Variants in PLCB1 observed in about 807,000 individuals in gnomAD.
The protein encoded by PLCB1 is phospholipase C beta 1.
A neutral mutation model predicts 161.8 loss-of-function variants in PLCB1; 46 were observed. That is an observed-to-expected ratio of 0.28 (90% CI 0.22 to 0.36). The LOEUF (loss-of-function observed/expected upper bound fraction) is 0.36, where lower values mean the gene tolerates loss of function less well. PLCB1 is among the 10% of genes least tolerant of loss of function. PLCB1 has a pLI of 1.00. For missense variants in PLCB1, 1,016 were observed against 1,472.5 expected (o/e 0.69, Z 5.07); for synonymous variants, 517 against 503.7 (o/e 1.03, Z -0.35).
chr20:8,282,678 T>G (rs919972879), intron 2 of PLCB1, among the ~76,000 whole-genome samples: 4 of 152,074 alleles, frequency 2.6e-5, no homozygotes, highest in Non-Finnish European at 5.9e-5. Flanking sequence ...CAAGGGAAAA[T>G]AATCAATCAA....
chr20:8,809,255 G>T (rs1045984361), intron 31 of PLCB1, among the ~76,000 whole-genome samples: 1 of 151,952 alleles, frequency 6.6e-6, no homozygotes, highest in Non-Finnish European at 1.5e-5. Flanking sequence ...CGATCGTCCC[G>T]CCTCAGCCTC....
At chr20:8,551,996 T>C (rs8122766) in intron 3 of PLCB1, among the ~76,000 whole-genome samples, 13,084 of 152,222 alleles carry the variant, frequency 0.086, 998 homozygotes, top group African/African-American at 0.2. Flanking sequence ...TCCAGGCTTG[T>C]GTAAGACTGT....
intron 14 of PLCB1, among the ~76,000 whole-genome samples, chr20:8,718,109 A>G (rs1174147261): frequency 4.6e-5 from 7 of 151,952 alleles, no homozygotes; most frequent in African/African-American, 1.7e-4. Context: ...AGTCCCAGCT[A>G]CTCGGGAGGC....
intron 31 of PLCB1, among the ~76,000 whole-genome samples, chr20:8,826,065 T>C (rs1445761239): frequency 6.6e-6 from 1 of 152,164 alleles, no homozygotes; most frequent in Non-Finnish European, 1.5e-5. Context: ...TGAGATGTTT[T>C]CAGGCATCTA....
At chr20:8,738,104 G>GTAGT (rs1980676711) in intron 20 of PLCB1, among the ~76,000 whole-genome samples, 1 of 152,244 alleles carries the variant, frequency 6.6e-6, no homozygotes, top group South Asian at 2.1e-4. Flanking sequence ...AAAGAAATGA[G>GTAGT]TAGTTGCTCT....
chr20:8,579,061 C>T (rs893641857), intron 3 of PLCB1, among the ~76,000 whole-genome samples: 8 of 152,218 alleles, frequency 5.3e-5, no homozygotes, highest in African/African-American at 1.7e-4. Context: ...CTATTTACTT[C>T]GCCAGAAGAC....
intron 2 of PLCB1, among the ~76,000 whole-genome samples, chr20:8,299,300 TG>T (rs1983786241): frequency 6.6e-6 from 1 of 152,110 alleles, no homozygotes; most frequent in African/African-American, 2.4e-5. Context: ...TGTAAAACAG[TG>T]GTTTTGAGTA....
chr20:8,276,957 T>TTC (rs1191047626), intron 2 of PLCB1, among the ~76,000 whole-genome samples: 1 of 125,326 alleles, frequency 8.0e-6, no homozygotes, highest in East Asian at 2.6e-4. Context: ...CTTCTTCTTC[T>TTC]TCTTCTTCTT....
At chr20:8,796,869 T>C (rs1417144781) in intron 31 of PLCB1, among the ~76,000 whole-genome samples, 1 of 152,246 alleles carries the variant, frequency 6.6e-6, no homozygotes, top group Admixed American at 6.5e-5. Flanking sequence ...TAGATATGTC[T>C]ACATATTCAC....
At chr20:8,183,058 A>G (rs1427759991) in intron 2 of PLCB1, among the ~76,000 whole-genome samples, 1 of 152,172 alleles carries the variant, frequency 6.6e-6, no homozygotes, top group South Asian at 2.1e-4. Flanking sequence ...AGAACCATTG[A>G]TATGTCCCAT....
intron 10 of PLCB1, among the ~76,000 whole-genome samples, chr20:8,689,850 G>T (rs1187474352): frequency 6.6e-6 from 1 of 150,476 alleles, no homozygotes; most frequent in Non-Finnish European, 1.5e-5. Flanking sequence ...AAATTTGAGG[G>T]TGTTGGCATA....
At chr20:8,687,794 AT>A (rs1225660752) in intron 10 of PLCB1, among the ~76,000 whole-genome samples, 1 of 152,186 alleles carries the variant, frequency 6.6e-6, no homozygotes, top group Non-Finnish European at 1.5e-5. Context: ...TGCTGTAAAC[AT>A]GCGTGTGCAA....
intron 2 of PLCB1, among the ~76,000 whole-genome samples, chr20:8,174,364 A>T (rs1407367851): frequency 6.6e-6 from 1 of 152,214 alleles, no homozygotes; most frequent in Non-Finnish European, 1.5e-5. Context: ...ATCTGTCAAC[A>T]GTGACTTCTG....
chr20:8,723,792 C>T (rs8117234), intron 15 of PLCB1, among the ~76,000 whole-genome samples: 32,379 of 151,816 alleles, frequency 0.21, 4,804 homozygotes, highest in African/African-American at 0.42. Flanking sequence ...GGCTCTAGAA[C>T]GCGAGCCATT....
intron 31 of PLCB1, among the ~76,000 whole-genome samples, chr20:8,804,650 C>T (rs4816089): frequency 0.53 from 80,261 of 151,954 alleles, 23,676 homozygotes; most frequent in East Asian, 0.73. Flanking sequence ...CCTTAAACAT[C>T]TTCATTCATA....
chr20:8,477,967 G>A lies in PLCB1; in HGVS notation c.246+106517G>A, dbSNP rs77823118. Among the ~76,000 whole-genome samples the A allele has an allele frequency of 2.3e-3, 356 of 152,162 alleles. 2 individuals carry two copies. The highest frequency in any genetic ancestry group is 8.3e-3 in the African/African-American group (346 of 41,520). ...TCTCTCCTCTTTGTCATGGGTTTTG[G>A]TTGACTTTCTCCCAGAAAGTCCTCC... On this transcript the variant is annotated intron_variant, in intron 3 of 31. Transcript: ENST00000338037.
intron 3 of PLCB1, among the ~76,000 whole-genome samples, chr20:8,461,215 T>C (rs1200332035): frequency 6.6e-6 from 1 of 152,142 alleles, no homozygotes; most frequent in African/African-American, 2.4e-5. Context: ...TTTTCCAGAA[T>C]CTTGCATAGG....
intron 31 of PLCB1, among the ~76,000 whole-genome samples, chr20:8,796,116 T>A (rs1485604275): frequency 6.6e-6 from 1 of 152,150 alleles, no homozygotes; most frequent in Non-Finnish European, 1.5e-5. Context: ...AGAACACAGG[T>A]TTTCTGCTTA....
At position 8,658,612 on chromosome 20, in the gene PLCB1, G is replaced by A; in HGVS notation, c.770G>A (p.Arg257Gln). 6.2e-7 allele frequency: 1 copy of A among 1,612,554 alleles called. No homozygotes were observed. Among genetic ancestry groups the A allele is most frequent in the Non-Finnish European group, 8.5e-7 (1 of 1,179,030 alleles). The change falls in exon 9 of 32, where the codon CGG (arginine) becomes CAG (glutamine). Residue 257 changes from arginine to glutamine, a missense_variant. Arg to Gln is a conservative substitution (Grantham distance 43). Around this residue, in one of 10 missense-constraint regions of PLCB1, gnomAD observed 117 missense variants for 142.2 expected, o/e 0.82. Coordinates refer to ENST00000338037, the MANE Select transcript of PLCB1 (RefSeq NM_015192.4). The part of the protein sequence containing the change: ...DFINLKQRDP[R>Q]LNEILYPPLK... ...ATCAACCTTAAGCAGCGAGATCCTC[G>A]GCTTAATGAAATACTTTATCCACCT... is the stretch of plus-strand genomic sequence containing the variant.
Sources: allele counts gnomAD v4.1 joint callset (sites outside exome capture counted in the v4.1 genomes callset), GRCh38; gene constraint gnomAD v4.1.1; regional missense constraint gnomAD v4.1.1; transcripts MANE v1.5; gene names NCBI Gene and HGNC (gene_info 2026-07-23, HGNC 2026-07-21).